MSH5: variants seen among roughly 807,000 people sequenced by gnomAD.
MSH5 encodes the protein mutS protein homolog 5.
Under a neutral mutation model 107.7 loss-of-function variants are expected in MSH5, and 78 were observed. The ratio of observed to expected loss-of-function variants is 0.72; its 90% CI spans 0.60 to 0.87. The LOEUF (loss-of-function observed/expected upper bound fraction) is 0.87. Among genes scored for constraint, MSH5 ranks in the 40% least tolerant of loss-of-function variants. MSH5 has a pLI of 0.00. For synonymous variants in MSH5, 326 were observed against 399.5 expected (o/e 0.82, Z 2.19); for missense variants, 889 against 1,046.6 (o/e 0.85, Z 2.08).
At position 31,753,352 on chromosome 6, in the gene MSH5, G is replaced by A; in HGVS notation, c.864G>A (p.Leu288=). The A allele has an allele frequency of 6.2e-7, 1 of 1,614,150 alleles. No homozygotes were observed. The highest frequency in any genetic ancestry group is 8.5e-7 in the Non-Finnish European group (1 of 1,180,028). Residue 288 remains leucine (L), a synonymous_variant, in exon 11 of 25, where the codon CTG becomes CTA. Coordinates refer to ENST00000375750, the MANE Select transcript of MSH5 (RefSeq NM_172166.4). ...ACCTGGGGGAGCTCAGTTCTCGTCTGGACGTCATTCAGTTTTTTCTGCTGC... is the reference window on the plus strand; with the variant it reads ...ACCTGGGGGAGCTCAGTTCTCGTCTAGACGTCATTCAGTTTTTTCTGCTGC... ...THDLGELSSR[L]DVIQFFLLPQ... is the part of the protein sequence containing the mutation.
intron 5 of MSH5, 50 bp downstream of exon 5, chr6:31,743,220 C>G: frequency 6.3e-7 from 1 of 1,576,282 alleles, no homozygotes; most frequent in Non-Finnish European, 8.7e-7. Context: ...GTGTCCCATT[C>G]TTTCCCCCAA....
In MSH5 at chr6:31,762,647, A is replaced by T; in HGVS notation, c.*116A>T. Reference sequence around the variant, plus strand: ...TTAGTTTCTCTAGAAATTTTGTTTCATATTAGGAATAAAGTTTATTTTGAA... The same window carrying T: ...TTAGTTTCTCTAGAAATTTTGTTTCTTATTAGGAATAAAGTTTATTTTGAA... On this transcript the variant is annotated 3_prime_UTR_variant, in exon 25 of 25. Transcript: ENST00000375750. The T allele has an allele frequency of 1.6e-6, 1 of 642,634 alleles. No individual in the cohort carries two copies. The highest frequency in any genetic ancestry group is 2.7e-6 in the Non-Finnish European group (1 of 365,990). The allele number at this position is 642,634 out of a possible 1,614,324, so 39.8% of individuals were successfully genotyped here.
chr6:31,751,160 T>TA (rs1343529010), intron 10 of MSH5, among the ~76,000 whole-genome samples: 1 of 152,220 alleles, frequency 6.6e-6, no homozygotes, highest in East Asian at 1.9e-4. Context: ...CACGCCCGGC[T>TA]AATTTTGTTG....
intron 5 of MSH5, 147 bp from the exon 6 acceptor site, chr6:31,743,757 T>G: frequency 9.3e-7 from 1 of 1,074,674 alleles, no homozygotes; most frequent in Non-Finnish European, 1.3e-6. Flanking sequence ...AGTCTGAAAA[T>G]TTGGTTCTTG....
Position 31,760,636 on chromosome 6 carries a change from T to G in MSH5, c.1813-54T>G. ...GTGCCATTCATGCCTTGAGCCTCAC[T>G]TTCACCTCAGCCCACGGCACCAGGC... On this transcript the variant is annotated intron_variant, in intron 19 of 24. Coordinates refer to ENST00000375750, the MANE Select transcript of MSH5 (RefSeq NM_172166.4). This position sits in a 1 kb window ranked among gnomAD's most constrained non-coding sequence, Gnocchi z 5.6. 1 of 1,611,080 alleles carries G rather than the reference T, an allele frequency of 6.2e-7. No individual in the cohort carries two copies. Among genetic ancestry groups the G allele is most frequent in the Non-Finnish European group, 8.5e-7 (1 of 1,179,384 alleles).
Position 31,753,580 on chromosome 6 carries a change from G to T in MSH5, c.965G>T (p.Arg322Leu). The T allele has an allele frequency of 6.2e-7, 1 of 1,614,076 alleles. No individual in the cohort carries two copies. Among genetic ancestry groups the T allele is most frequent in the Non-Finnish European group, 8.5e-7 (1 of 1,180,008 alleles). ...GTCTGACTGTAGCTGATTCTGAAAC[G>T]CATGAAGTTGTCCCACACCAAGGTC... ...HIKNVPLILK[R>L]MKLSHTKVSD... is the part of the protein sequence containing the mutation. The change falls in exon 12 of 25, where the codon CGC (arginine) becomes CTC (leucine). Residue 322 changes from arginine (R) to leucine (L), a missense_variant. Around this residue, in one of 3 missense-constraint regions of MSH5, gnomAD observed 518 missense variants for 565.0 expected, o/e 0.92. Transcript: ENST00000375750.
At position 31,758,714 on chromosome 6, in the gene MSH5, AAC is replaced by A; in HGVS notation, c.1217-51_1217-50del. ...CACCACAGCTGGGGATCTTCATAGCAACCAGGGCAGGAGACTCACTTTTGATA... is the reference window on the plus strand; with the variant it reads ...CACCACAGCTGGGGATCTTCATAGCACAGGGCAGGAGACTCACTTTTGATA... On this transcript the variant is annotated intron_variant, in intron 14 of 24. Transcript: ENST00000375750. The surrounding 1 kb of genome is among the most constrained non-coding windows in gnomAD (Gnocchi z 5.1). 1.2e-6 allele frequency: 2 copies of A among 1,609,914 alleles called. No homozygotes were observed. The highest frequency in any genetic ancestry group is 3.3e-5 in the Admixed American group (2 of 60,002).
Position 31,761,969 on chromosome 6 carries a change from A to C in MSH5, c.2319+14A>C. 1 of 1,613,716 alleles carries C rather than the reference A, an allele frequency of 6.2e-7. No homozygotes were observed. Among genetic ancestry groups the C allele is most frequent in the Non-Finnish European group, 8.5e-7 (1 of 1,179,876 alleles). On this transcript the variant is annotated intron_variant, in intron 23 of 24. Coordinates refer to ENST00000375750, the MANE Select transcript of MSH5 (RefSeq NM_172166.4). The surrounding 1 kb of genome is among the most constrained non-coding windows in gnomAD (Gnocchi z 5.3). The stretch of plus-strand genomic sequence containing the variant: ...CGTGGCAAGGAGGTGATGAGATCCA[A>C]ATGTGCAACCACCTCCACATCAGAG...
chr6:31,754,525 T>C (rs1415056665), intron 12 of MSH5, among the ~76,000 whole-genome samples: 2 of 152,132 alleles, frequency 1.3e-5, no homozygotes, highest in Admixed American at 1.3e-4. Flanking sequence ...GTTTGTTTGT[T>C]TTTTTAAATA....
At position 31,761,165 on chromosome 6, in the gene MSH5, C is replaced by G. The variant is rs556439930; in HGVS notation, c.1963-23C>G. On this transcript the variant is annotated intron_variant, in intron 20 of 24. Coordinates refer to ENST00000375750, the MANE Select transcript of MSH5 (RefSeq NM_172166.4). The surrounding 1 kb of genome is among the most constrained non-coding windows in gnomAD (Gnocchi z 5.3). ...TACGGGCTTCCAATACTAACTTTCC[C>G]TTGTCCACCTTATACCCAGCAGGTG... The G allele has an allele frequency of 6.2e-7, 1 of 1,611,218 alleles. No homozygotes were observed. The highest frequency in any genetic ancestry group is 1.3e-5 in the African/African-American group (1 of 75,018).
At chr6:31,755,827 G>A (rs1360886900) in intron 12 of MSH5, among the ~76,000 whole-genome samples, 2 of 151,858 alleles carry the variant, frequency 1.3e-5, no homozygotes, top group East Asian at 1.9e-4. Flanking sequence ...TTAATCTACC[G>A]GTTCCTTCTC....
Position 31,743,917 on chromosome 6 carries a change from C to T in MSH5, c.429C>T (p.Ser143=), listed in dbSNP as rs749140245. The T allele has an allele frequency of 1.9e-6, 3 of 1,613,272 alleles. No individual in the cohort carries two copies. The highest frequency in any genetic ancestry group is 1.7e-4 in the Middle Eastern group (1 of 6,060). Residue 143 remains serine (S), a synonymous_variant, in exon 6 of 25, where the codon AGC becomes AGT. Transcript: ENST00000375750. Reference sequence around the variant, plus strand: ...TCCCTCAAATAGGTCTGGAGATAAGCAAACAACGCCTCCTTTCTGGAAACT... The same window carrying T: ...TCCCTCAAATAGGTCTGGAGATAAGTAAACAACGCCTCCTTTCTGGAAACT... ...LPSVDFGLEI[S]KQRLLSGNYS... is the part of the protein sequence containing the mutation.
At position 31,760,106 on chromosome 6, in the gene MSH5, C is replaced by T. The variant is rs1423023899; in HGVS notation, c.1702C>T (p.Leu568Phe). ...CCACTGCAGACATCCTCTGATGGAA[C>T]TCTGTGCCCGAACCTTTGTGCCCAA... ...IQNGRHPLME[L>F]CARTFVPNST... is the part of the protein sequence containing the mutation. The change falls in exon 19 of 25, where the codon CTC (leucine) becomes TTC (phenylalanine). Residue 568 changes from leucine to phenylalanine, a missense_variant. Leu to Phe is a conservative substitution (Grantham distance 22). Transcript: ENST00000375750. The surrounding 1 kb of genome is among the most constrained non-coding windows in gnomAD (Gnocchi z 5.6). 6.2e-7 allele frequency: 1 copy of T among 1,603,932 alleles called. No individual in the cohort carries two copies. Among genetic ancestry groups the T allele is most frequent in the East Asian group, 2.2e-5 (1 of 44,816 alleles).
intron 10 of MSH5, 160 bp from the exon 11 acceptor site, chr6:31,753,141 C>A: frequency 1.2e-6 from 1 of 850,946 alleles, no homozygotes. Flanking sequence ...TGTAAACACA[C>A]CTGAATGGGT....
chr6:31,741,275 T>A lies in MSH5; in HGVS notation c.260T>A (p.Leu87His). 1 of 1,611,802 alleles carries A rather than the reference T, an allele frequency of 6.2e-7. No individual in the cohort carries two copies. The change falls in exon 3 of 25, where the codon CTT becomes CAT. Residue 87 changes from leucine (L) to histidine (H), a missense_variant. By Grantham distance (99) the Leu-to-His change is moderately conservative. This residue lies in a region of MSH5 where 518 missense variants were observed against 565.0 expected (regional missense o/e 0.92). Transcript: ENST00000375750. ...GCCCCAGACCACGAGAGCCTCAAGC[T>A]TCTCCAGAGAGGTGGGGATGGAACC... ...PDAPDHESLK[L>H]LQRVLDEINP...
chr6:31,744,288 G>T lies in MSH5; in HGVS notation c.636G>T (p.Lys212Asn). The T allele has an allele frequency of 6.2e-7, 1 of 1,614,178 alleles. No individual in the cohort carries two copies. Among genetic ancestry groups the T allele is most frequent in the Non-Finnish European group, 8.5e-7 (1 of 1,180,030 alleles). Residue 212 changes from lysine (K) to asparagine (N), a missense_variant, in exon 7 of 25, where the codon AAG becomes AAT. By Grantham distance (94) the Lys-to-Asn change is moderately conservative (BLOSUM62 0). Coordinates refer to ENST00000375750, the MANE Select transcript of MSH5 (RefSeq NM_172166.4). ...TCAGCGTCCCCATCCTGGGCTTTAA[G>T]AAATTTATGTTGTAGGTGATTCACC... ...YNVSVPILGF[K>N]KFMLTHLVNI...
At position 31,760,896 on chromosome 6, in the gene MSH5, C is replaced by T; in HGVS notation, c.1962+57C>T. ...GAAGGGGATAATGGGAAAGGAACCC[C>T]TGAAAATGCTCATAACAGGAAAGCA... On this transcript the variant is annotated intron_variant, in intron 20 of 24. Transcript: ENST00000375750. The surrounding 1 kb of genome is among the most constrained non-coding windows in gnomAD (Gnocchi z 5.6). 6.4e-7 allele frequency: 1 copy of T among 1,562,190 alleles called. No homozygotes were observed.
At chr6:31,751,187 G>A (rs769677436) in intron 10 of MSH5, among the ~76,000 whole-genome samples, 2 of 151,960 alleles carry the variant, frequency 1.3e-5, no homozygotes, top group East Asian at 1.9e-4. Flanking sequence ...TAGTAGAGAC[G>A]GGGTTTCACC....
Position 31,744,222 on chromosome 6 carries a change from G to T in MSH5, c.570G>T (p.Leu190=), listed in dbSNP as rs770473351. The T allele has an allele frequency of 6.2e-7, 1 of 1,613,854 alleles. No individual in the cohort carries two copies. The highest frequency in any genetic ancestry group is 8.5e-7 in the Non-Finnish European group (1 of 1,179,856). Residue 190 remains leucine, a synonymous_variant, in exon 7 of 25, where the codon CTG becomes CTT. Transcript: ENST00000375750. The part of the protein sequence containing the change: ...VRALGGLLKF[L]GRRRIGVELE... ...CACTTGGAGGGCTGCTGAAGTTCCT[G>T]GGTCGAAGAAGAATCGGGGTTGAAC...
Sources: allele counts gnomAD v4.1 joint callset (sites outside exome capture counted in the v4.1 genomes callset), GRCh38; gene constraint gnomAD v4.1.1; regional missense constraint gnomAD v4.1.1; non-coding constraint Gnocchi (gnomAD v3.1); transcripts MANE v1.5; gene names NCBI Gene and HGNC (gene_info 2026-07-23, HGNC 2026-07-21).